The following KIZ variants were observed in gnomAD, a reference collection of about 807,000 sequenced individuals.
KIZ encodes the protein centrosomal protein kizuna.
A neutral mutation model predicts 79.6 loss-of-function variants in KIZ; 68 were observed. That is an observed-to-expected ratio of 0.85 (90% confidence interval 0.70 to 1.05). The LOEUF (loss-of-function observed/expected upper bound fraction) is 1.05. Ranked by LOEUF, KIZ falls within the 50% of genes least tolerant of loss-of-function variation. The probability of loss-of-function intolerance (pLI) is 0.00; values close to 1 mark genes in which losing one functional copy is unlikely to be tolerated. For missense variants in KIZ, 797 were observed against 800.4 expected (o/e 1.00, Z 0.05); for synonymous variants, 280 against 281.8 (o/e 0.99, Z 0.06).
intron 11 of KIZ, among the ~76,000 whole-genome samples, chr20:21,241,182 C>T (rs1322624661): frequency 1.3e-5 from 2 of 152,188 alleles, no homozygotes; most frequent in African/African-American, 4.8e-5. Flanking sequence ...ATCCAGCACA[C>T]AATAGAAAGT....
At chr20:21,136,964 A>G (rs1023707581) in intron 3 of KIZ, among the ~76,000 whole-genome samples, 2 of 152,174 alleles carry the variant, frequency 1.3e-5, no homozygotes, top group African/African-American at 4.8e-5. Flanking sequence ...TTCTTTAGTT[A>G]AGGAATCAAT....
Position 21,207,791 on chromosome 20 carries a change from C to T in KIZ, c.1446+2207C>T, listed in dbSNP as rs1235432828. On this transcript the variant is annotated intron_variant, in intron 7 of 12. Coordinates refer to ENST00000619189, the MANE Select transcript of KIZ (RefSeq NM_018474.6). ...CAATCTCGGCTCGCTGCCACCAGGG[C>T]TCACTGCCTCCTGGGTTCAAGCAAT... Among the ~76,000 whole-genome samples the T allele has an allele frequency of 2.0e-5, 3 of 152,078 alleles. No individual in the cohort carries two copies. In the East Asian group the frequency reaches 5.8e-4, roughly 30 times the overall value.
chr20:21,157,219 T>C (rs912461220), intron 4 of KIZ, among the ~76,000 whole-genome samples: 7 of 152,232 alleles, frequency 4.6e-5, no homozygotes, highest in African/African-American at 1.7e-4. Flanking sequence ...GATCCTCAAG[T>C]ACACGTTGCC....
In KIZ at chr20:21,178,260, G is replaced by A. The variant is rs1456360380; in HGVS notation, c.1352+15101G>A. Among the ~76,000 whole-genome samples the A allele has an allele frequency of 2.0e-5, 3 of 151,904 alleles. No homozygotes were observed. In the East Asian group the frequency reaches 5.8e-4, roughly 29 times the overall value. On this transcript the variant is annotated intron_variant, in intron 6 of 12. Coordinates refer to ENST00000619189, the MANE Select transcript of KIZ (RefSeq NM_018474.6). ...ATCTTCTTTAATTTCTGTCATCAAT[G>A]TTTTGTAGTTTTTAGCATGGAAGTC...
chr20:21,169,062 C>G (rs1057180838), intron 6 of KIZ, among the ~76,000 whole-genome samples: 4 of 152,136 alleles, frequency 2.6e-5, no homozygotes, highest in African/African-American at 4.8e-5. Flanking sequence ...GCAATGGCAA[C>G]AAAAGCCAAA....
At chr20:21,153,922 G>A (rs2033242057) in intron 4 of KIZ, 1 of 152,154 alleles carries the variant, frequency 6.6e-6, no homozygotes, top group Non-Finnish European at 1.5e-5. Flanking sequence ...CCACAGTGGG[G>A]ATTGGGACTT....
intron 4 of KIZ, chr20:21,158,864 G>A (rs2033514635): frequency 1.3e-5 from 2 of 152,318 alleles, no homozygotes; most frequent in South Asian, 2.1e-4. Context: ...TGCGATCATA[G>A]CTCACTGCAG....
intron 6 of KIZ, among the ~76,000 whole-genome samples, chr20:21,200,733 G>A (rs1342400151): frequency 6.6e-6 from 1 of 152,072 alleles, no homozygotes; most frequent in Non-Finnish European, 1.5e-5. Context: ...AGCAGACCAC[G>A]TATCAGTACC....
chr20:21,220,137 TATATATC>T (rs1345756665), intron 9 of KIZ, among the ~76,000 whole-genome samples: 1 of 149,194 alleles, frequency 6.7e-6, no homozygotes, highest in African/African-American at 2.5e-5. Flanking sequence ...AGTTATATAT[TATATATC>T]ATATATCATT....
chr20:21,148,064 G>T (rs1444894092), intron 4 of KIZ, among the ~76,000 whole-genome samples: 1 of 151,784 alleles, frequency 6.6e-6, no homozygotes, highest in Non-Finnish European at 1.5e-5. Flanking sequence ...GGGAAGATGA[G>T]GCTGGCAGTG....
At position 21,194,495 on chromosome 20, in the gene KIZ, T is replaced by G. The variant is rs2035254712; in HGVS notation, c.1353-10996T>G. ...GTTGAGTTCTTTTGAGCAAAAGAAC[T>G]GATGAATATTTTATAAACTAAAGTC... On this transcript the variant is annotated intron_variant, in intron 6 of 12. Coordinates refer to ENST00000619189, the MANE Select transcript of KIZ (RefSeq NM_018474.6). 2.6e-5 allele frequency: 4 copies of G among 152,366 alleles called. No individual in the cohort carries two copies. The South Asian group carries it at 8.3e-4, about 32-fold the overall frequency. 9.4% of individuals were successfully genotyped at this position (152,366 alleles called of 1,614,324 possible).
intron 4 of KIZ, chr20:21,150,902 T>C (rs2033086037): frequency 6.6e-6 from 1 of 152,180 alleles, no homozygotes; most frequent in African/African-American, 2.4e-5. Context: ...CCCCATTTCA[T>C]GTGGTGTTCG....
chr20:21,234,842 A>G (rs1487305704), intron 11 of KIZ, among the ~76,000 whole-genome samples: 1 of 151,898 alleles, frequency 6.6e-6, no homozygotes, highest in Non-Finnish European at 1.5e-5. Context: ...GTGCTAGTTA[A>G]GCCCAAACTA....
chr20:21,208,627 C>T (rs2035939323), intron 7 of KIZ, among the ~76,000 whole-genome samples: 1 of 151,656 alleles, frequency 6.6e-6, no homozygotes, highest in Admixed American at 6.6e-5. Context: ...GGCCTGAACC[C>T]AGGAGGCGGA....
intron 4 of KIZ, among the ~76,000 whole-genome samples, chr20:21,155,235 TTATTCATAGTAGC>T (rs2033318313): frequency 1.3e-5 from 2 of 152,208 alleles, no homozygotes. Context: ...TATAGCAGCA[TTATTCATAGTAGC>T]CAAAAAGTGG....
intron 6 of KIZ, chr20:21,194,528 T>C (rs185355897): frequency 6.6e-6 from 1 of 152,374 alleles, no homozygotes; most frequent in East Asian, 1.9e-4. Flanking sequence ...GTCTGCTATC[T>C]GGGAAGAGCA....
intron 6 of KIZ, among the ~76,000 whole-genome samples, chr20:21,189,072 A>G (rs2035010035): frequency 1.3e-5 from 2 of 152,086 alleles, no homozygotes; most frequent in East Asian, 1.9e-4. Flanking sequence ...TCAAACTCCT[A>G]GGTTCAAGCA....
At chr20:21,219,871 G>T (rs1293307831) in intron 9 of KIZ, among the ~76,000 whole-genome samples, 1 of 152,116 alleles carries the variant, frequency 6.6e-6, no homozygotes, top group Admixed American at 6.6e-5. Flanking sequence ...TATGGAGCAT[G>T]CGAGTTTTCT....
intron 7 of KIZ, among the ~76,000 whole-genome samples, chr20:21,208,160 G>A (rs1039722192): frequency 2.6e-4 from 39 of 151,878 alleles, no homozygotes; most frequent in African/African-American, 8.2e-4. Context: ...AGTGTTGATC[G>A]ACTGTCCTTT....
Sources: allele counts gnomAD v4.1 joint callset (sites outside exome capture counted in the v4.1 genomes callset), GRCh38; gene constraint gnomAD v4.1.1; transcripts MANE v1.5; gene names NCBI Gene and HGNC (gene_info 2026-07-23, HGNC 2026-07-21).